The following SNTG1 variants were observed in gnomAD, a reference collection of about 807,000 sequenced individuals.
SNTG1 encodes the protein syntrophin gamma 1.
SNTG1 carries 39 observed loss-of-function variants against 74.7 expected under a neutral mutation model. That is an observed-to-expected ratio of 0.52 (90% confidence interval 0.40 to 0.68). The LOEUF (loss-of-function observed/expected upper bound fraction) is 0.68. SNTG1 is among the 30% of genes least tolerant of loss of function. SNTG1 has a pLI of 0.00. For missense variants in SNTG1, 685 were observed against 609.5 expected (o/e 1.12, Z -1.30); for synonymous variants, 254 against 217.1 (o/e 1.17, Z -1.49).
chr8:50,008,237 G>A (rs980178234), intron 1 of SNTG1, among the ~76,000 whole-genome samples: 21 of 152,090 alleles, frequency 1.4e-4, no homozygotes, highest in African/African-American at 3.1e-4. Context: ...CACTCTTTCC[G>A]GTAGCTGACA....
intron 4 of SNTG1, among the ~76,000 whole-genome samples, chr8:50,433,588 T>G (rs1177292866): frequency 6.6e-6 from 1 of 151,978 alleles, no homozygotes; most frequent in Non-Finnish European, 1.5e-5. Flanking sequence ...TGGATCTTGG[T>G]CAAGTTAATT....
At chr8:50,699,054 G>A (rs546337155) in intron 15 of SNTG1, among the ~76,000 whole-genome samples, 17 of 152,202 alleles carry the variant, frequency 1.1e-4, no homozygotes, top group African/African-American at 4.1e-4. Flanking sequence ...AGTTACTGAG[G>A]TGGATCTTAA....
At chr8:50,066,223 A>G (rs1321447906) in intron 1 of SNTG1, among the ~76,000 whole-genome samples, 2 of 152,092 alleles carry the variant, frequency 1.3e-5, no homozygotes, top group South Asian at 2.1e-4. Context: ...TCTCAAAAAA[A>G]AAAAATTAAG....
At chr8:50,358,205 G>A (rs929464805) in intron 2 of SNTG1, among the ~76,000 whole-genome samples, 10 of 152,148 alleles carry the variant, frequency 6.6e-5, no homozygotes, top group Admixed American at 2.6e-4. Context: ...GAACTTTATC[G>A]GAGTGAAAGG....
chr8:50,657,291 T>C (rs1407513921), intron 14 of SNTG1, among the ~76,000 whole-genome samples: 1 of 151,986 alleles, frequency 6.6e-6, no homozygotes, highest in Admixed American at 6.6e-5. Flanking sequence ...CCATTACAAA[T>C]CTCATGACGA....
intron 2 of SNTG1, among the ~76,000 whole-genome samples, chr8:50,349,939 C>T (rs34784642): frequency 0.032 from 4,924 of 152,176 alleles, 112 homozygotes; most frequent in Non-Finnish European, 0.047. Flanking sequence ...GAGCCGGAAC[C>T]AGGGCTGCAC....
intron 2 of SNTG1, among the ~76,000 whole-genome samples, chr8:50,322,184 G>A (rs1291976532): frequency 6.6e-6 from 1 of 151,864 alleles, no homozygotes; most frequent in Non-Finnish European, 1.5e-5. Flanking sequence ...GTCAGGTCTG[G>A]TGTTGATAAA....
chr8:50,051,850 G>A (rs548195640), intron 1 of SNTG1, among the ~76,000 whole-genome samples: 1 of 151,854 alleles, frequency 6.6e-6, no homozygotes, highest in Non-Finnish European at 1.5e-5. Context: ...CTTTTTTGGG[G>A]GCAGACATAA....
At chr8:50,462,272 A>G (rs962799134) in intron 8 of SNTG1, among the ~76,000 whole-genome samples, 2 of 147,106 alleles carry the variant, frequency 1.4e-5, no homozygotes, top group Middle Eastern at 3.6e-3. Flanking sequence ...ACTATAGTCT[A>G]TTATGCATGC....
intron 1 of SNTG1, among the ~76,000 whole-genome samples, chr8:49,973,768 A>T (rs1273616389): frequency 6.6e-6 from 1 of 152,238 alleles, no homozygotes; most frequent in Non-Finnish European, 1.5e-5. Context: ...TCAAGAAAGG[A>T]ATATTTGGAG....
chr8:50,178,376 A>G (rs1291559882), intron 2 of SNTG1, among the ~76,000 whole-genome samples: 2 of 124,166 alleles, frequency 1.6e-5, no homozygotes, highest in East Asian at 2.3e-4. Flanking sequence ...TTTTTCTGTC[A>G]CTTTCTGTCT....
Position 50,399,394 on chromosome 8 carries a change from G to A in SNTG1, c.28-2816G>A, listed in dbSNP as rs185377099. ...AGTATTTAAGTGAATGATAGCTTTG[G>A]CCATATAGAAATTAAATGAGAACAC... On this transcript the variant is annotated intron_variant, in intron 3 of 18. Coordinates refer to ENST00000642720, the MANE Select transcript of SNTG1 (RefSeq NM_018967.5). Among the ~76,000 whole-genome samples, 504 of 152,180 alleles carry A rather than the reference G, an allele frequency of 3.3e-3. 1 individual carries two copies. The highest frequency in any genetic ancestry group is 5.6e-3 in the Non-Finnish European group (382 of 68,012).
Position 50,432,228 on chromosome 8 carries a change from G to A in SNTG1, c.163-6315G>A, listed in dbSNP as rs62517653. ...AGTATACATGCCTTTTCTTCTTATG[G>A]ATGTCCAATTCCTCCAGCACTGTTT... On this transcript the variant is annotated intron_variant, in intron 4 of 18. Coordinates refer to ENST00000642720, the MANE Select transcript of SNTG1 (RefSeq NM_018967.5). 8.8e-3 allele frequency among the ~76,000 whole-genome samples: 1,344 copies of A among 152,146 alleles called. 8 individuals carry two copies. Among genetic ancestry groups the A allele is most frequent in the Non-Finnish European group, 0.015 (1,003 of 67,982 alleles).
chr8:50,699,372 C>T (rs2095415894), intron 15 of SNTG1, among the ~76,000 whole-genome samples: 1 of 152,078 alleles, frequency 6.6e-6, no homozygotes, highest in South Asian at 2.1e-4. Context: ...ACTACCTAAA[C>T]TTAGCCCTTT....
intron 11 of SNTG1, among the ~76,000 whole-genome samples, chr8:50,537,396 A>AG (rs1273511463): frequency 1.3e-5 from 2 of 152,174 alleles, no homozygotes; most frequent in African/African-American, 4.8e-5. Flanking sequence ...CCAGCAGCAT[A>AG]GTTGGTCTAA....
chr8:49,917,957 C>T (rs550725025), intron 1 of SNTG1, among the ~76,000 whole-genome samples: 9 of 149,706 alleles, frequency 6.0e-5, no homozygotes, highest in Non-Finnish European at 1.3e-4. Flanking sequence ...TTTGCTTTAC[C>T]TAATTTCATT....
At chr8:50,113,856 A>G (rs566076655) in intron 1 of SNTG1, among the ~76,000 whole-genome samples, 1 of 152,286 alleles carries the variant, frequency 6.6e-6, no homozygotes, top group Admixed American at 6.5e-5. Flanking sequence ...ACATGTATAT[A>G]CATATGTAAC....
intron 1 of SNTG1, among the ~76,000 whole-genome samples, chr8:50,013,963 C>T (rs1211340835): frequency 1.3e-5 from 2 of 152,090 alleles, no homozygotes; most frequent in African/African-American, 2.4e-5. Flanking sequence ...ATCAAAAATA[C>T]AACAAGACAA....
intron 15 of SNTG1, among the ~76,000 whole-genome samples, chr8:50,696,167 G>A (rs1004343701): frequency 4.6e-5 from 7 of 151,864 alleles, no homozygotes; most frequent in African/African-American, 9.7e-5. Context: ...TTCTGACTGG[G>A]ATAAGATGGT....
Sources: allele counts gnomAD v4.1 joint callset (sites outside exome capture counted in the v4.1 genomes callset), GRCh38; gene constraint gnomAD v4.1.1; transcripts MANE v1.5; gene names NCBI Gene and HGNC (gene_info 2026-07-23, HGNC 2026-07-21).